TTLL5: variants seen among roughly 807,000 people sequenced by gnomAD.
The protein encoded by TTLL5 is tubulin polyglutamylase TTLL5.
A neutral mutation model predicts 168.4 loss-of-function variants in TTLL5; 132 were observed. The observed-to-expected ratio is 0.78, with a 90% confidence interval of 0.68 to 0.91. The LOEUF (loss-of-function observed/expected upper bound fraction) is 0.91, where lower values mean the gene tolerates loss of function less well. Among genes scored for constraint, TTLL5 ranks in the 40% least tolerant of loss-of-function variants. The pLI is 0.00. For missense variants in TTLL5, 1,545 were observed against 1,581.5 expected (o/e 0.98, Z 0.39); for synonymous variants, 546 against 558.6 (o/e 0.98, Z 0.32).
intron 18 of TTLL5, chr14:75,757,827 G>T (rs1270142494): frequency 6.3e-7 from 1 of 1,590,968 alleles, no homozygotes; most frequent in South Asian, 1.1e-5. Context: ...TTCTGCTTCT[G>T]TAGGGGAAAC....
chr14:75,909,197 T>G (rs2033268091), intron 31 of TTLL5, among the ~76,000 whole-genome samples: 1 of 151,206 alleles, frequency 6.6e-6, no homozygotes, highest in Non-Finnish European at 1.5e-5. Context: ...AGCACATCTT[T>G]TATATGCAAA....
chr14:75,697,838 T>C (rs1885978913), intron 6 of TTLL5, among the ~76,000 whole-genome samples: 2 of 152,192 alleles, frequency 1.3e-5, no homozygotes, highest in African/African-American at 2.4e-5. Flanking sequence ...AGGTTTATGC[T>C]GTTGTATTCT....
chr14:75,702,828 T>C (rs1412097865), intron 7 of TTLL5, among the ~76,000 whole-genome samples: 2 of 152,156 alleles, frequency 1.3e-5, no homozygotes, highest in Non-Finnish European at 2.9e-5. Context: ...CTGATTCTTT[T>C]AGGTATTTAG....
chr14:75,857,642 C>A (rs1027606110), intron 28 of TTLL5, among the ~76,000 whole-genome samples: 2 of 132,610 alleles, frequency 1.5e-5, no homozygotes, highest in Admixed American at 1.5e-4. Flanking sequence ...TGATAGAATT[C>A]TTTTTTTTTT....
chr14:75,767,970 G>T (rs192800191), intron 20 of TTLL5, among the ~76,000 whole-genome samples: 58 of 152,304 alleles, frequency 3.8e-4, no homozygotes, highest in African/African-American at 1.3e-3. Context: ...CATAGGAGTT[G>T]GTTTCATGTT....
At chr14:75,768,053 C>T (rs1293609822) in intron 20 of TTLL5, among the ~76,000 whole-genome samples, 1 of 152,114 alleles carries the variant, frequency 6.6e-6, no homozygotes, top group Non-Finnish European at 1.5e-5. Flanking sequence ...GACAGGTGGA[C>T]AGCTTTGTTG....
At chr14:75,764,584 G>A (rs1489258763) in intron 18 of TTLL5, 31 bp from the exon 19 acceptor site, 1 of 1,611,304 alleles carries the variant, frequency 6.2e-7, no homozygotes, top group South Asian at 1.1e-5. Flanking sequence ...ACTTTCTGAA[G>A]GCCATAGCTA....
chr14:75,709,135 G>C (rs564956812), intron 9 of TTLL5: 1 of 741,728 alleles, frequency 1.3e-6, no homozygotes, highest in African/African-American at 1.7e-5. Context: ...GAGTGGTCAC[G>C]ACAAGCTAAA....
chr14:75,820,155 G>A lies in TTLL5; in HGVS notation c.3320G>A (p.Gly1107Glu). 1.2e-5 allele frequency: 19 copies of A among 1,587,316 alleles called. No homozygotes were observed. Among genetic ancestry groups the A allele is most frequent in the Non-Finnish European group, 1.6e-5 (19 of 1,168,744 alleles). Residue 1107 changes from glycine (G) to glutamate (E), a missense_variant, in exon 28 of 32, where the codon GGA (glycine) becomes GAA (glutamate). By Grantham distance (98) the Gly-to-Glu change is moderately conservative. Coordinates refer to ENST00000298832, the MANE Select transcript of TTLL5 (RefSeq NM_015072.5). The stretch of plus-strand genomic sequence containing the variant: ...CCCGAGAATCACTCCAGCTCTCCTG[G>A]AAGCAGGTATGTGAAGGGCCCTGCA... ...QAPENHSSSP[G>E]SRSLQTGGFA...
At chr14:75,845,146 C>A (rs759853783) in intron 28 of TTLL5, among the ~76,000 whole-genome samples, 1 of 152,304 alleles carries the variant, frequency 6.6e-6, no homozygotes, top group Middle Eastern at 3.4e-3. Flanking sequence ...CTCTTGTTTT[C>A]TAAAGCTAGT....
intron 2 of TTLL5, among the ~76,000 whole-genome samples, chr14:75,665,986 A>T (rs145183572): frequency 3.0e-4 from 45 of 152,390 alleles, no homozygotes; most frequent in Non-Finnish European, 5.1e-4. Flanking sequence ...TAGTGAAAAT[A>T]AAGGTGTAAT....
intron 13 of TTLL5, among the ~76,000 whole-genome samples, chr14:75,733,642 A>G (rs889070765): frequency 3.3e-5 from 5 of 152,182 alleles, no homozygotes; most frequent in Non-Finnish European, 7.4e-5. Context: ...ATAAAAGAGC[A>G]TACTGAAAAT....
At chr14:75,886,736 G>A in intron 30 of TTLL5, 42 of 1,597,826 alleles carry the variant, frequency 2.6e-5, no homozygotes, top group Non-Finnish European at 3.6e-5. Context: ...ACTATTTGTG[G>A]TATTTCTTCC....
chr14:75,744,283 A>G (rs1889461371), intron 15 of TTLL5: 1 of 152,236 alleles, frequency 6.6e-6, no homozygotes, highest in Non-Finnish European at 1.5e-5. Flanking sequence ...TTTCAATAAT[A>G]GTGTATTATT....
chr14:75,753,074 A>C lies in TTLL5; in HGVS notation c.1550+119A>C, dbSNP rs1489560743. ...ATGTAAAATCTCTGCTAGAAAAAAA[A>C]GTCCTGTAGAAAGCATGCTATCATG... On this transcript the variant is annotated intron_variant, in intron 18 of 31. Coordinates refer to ENST00000298832, the MANE Select transcript of TTLL5 (RefSeq NM_015072.5). 44 of 935,068 alleles carry C rather than the reference A, an allele frequency of 4.7e-5. No individual in the cohort carries two copies. The South Asian group carries it at 8.1e-4, about 17-fold the overall frequency. The allele number at this position is 935,068 out of a possible 1,614,324, so 57.9% of individuals were successfully genotyped here.
chr14:75,785,946 C>T (rs767931440), intron 26 of TTLL5, among the ~76,000 whole-genome samples: 3 of 152,126 alleles, frequency 2.0e-5, no homozygotes, highest in Non-Finnish European at 2.9e-5. Context: ...ATCTGTGGAT[C>T]AGTTTGGGGA....
chr14:75,873,457 C>T (rs2031213074), intron 29 of TTLL5, among the ~76,000 whole-genome samples: 1 of 152,208 alleles, frequency 6.6e-6, no homozygotes, highest in African/African-American at 2.4e-5. Flanking sequence ...CAGCCTCTGA[C>T]AATCACCATT....
chr14:75,952,597 T>C (rs2034995076), intron 31 of TTLL5, among the ~76,000 whole-genome samples: 1 of 152,132 alleles, frequency 6.6e-6, no homozygotes, highest in Admixed American at 6.5e-5. Flanking sequence ...AGCCAAGAGG[T>C]AGAAACAACC....
intron 31 of TTLL5, among the ~76,000 whole-genome samples, chr14:75,920,387 C>G (rs2033783595): frequency 6.6e-6 from 1 of 152,044 alleles, no homozygotes; most frequent in South Asian, 2.1e-4. Context: ...TAATGCTATT[C>G]CTCCCCCAGT....
Sources: gnomAD v4.1 joint callset for allele counts (sites outside exome capture counted in the v4.1 genomes callset) on GRCh38, gnomAD v4.1.1 for gene constraint, MANE v1.5 for transcripts, NCBI Gene and HGNC (gene_info 2026-07-23, HGNC 2026-07-21) for gene names.